BEST3: variants seen among roughly 807,000 people sequenced by gnomAD.
BEST3 encodes bestrophin-3.
A neutral mutation model predicts 47.1 loss-of-function variants in BEST3; 50 were observed. The ratio of observed to expected loss-of-function variants is 1.06; its 90% confidence interval spans 0.85 to 1.34. The LOEUF (loss-of-function observed/expected upper bound fraction) is 1.34, where lower values mean the gene tolerates loss of function less well. Ranked by LOEUF, BEST3 falls within the 40% of genes most tolerant of loss-of-function variation. The pLI, the probability that BEST3 is intolerant of heterozygous loss-of-function variation, is 0.00. For synonymous variants in BEST3, 282 were observed against 298.8 expected (o/e 0.94, Z 0.58); for missense variants, 765 against 817.0 (o/e 0.94, Z 0.78).
At position 69,691,830 on chromosome 12, in the gene BEST3, C is replaced by A. The variant is rs1885936879; in HGVS notation, c.481+1844G>T. Among the ~76,000 whole-genome samples, 3 of 152,252 alleles carry A rather than the reference C, an allele frequency of 2.0e-5. No homozygotes were observed. The South Asian group carries it at 6.2e-4, about 32-fold the overall frequency. On this transcript the variant is annotated intron_variant, in intron 4 of 9. Transcript: ENST00000330891. ...TTGCAGGCCTGGTTGCTGAAACTGCCTGCTATTACCTGAAACCAGTTTTAT... is the reference window on the plus strand; with the variant it reads ...TTGCAGGCCTGGTTGCTGAAACTGCATGCTATTACCTGAAACCAGTTTTAT...
intron 7 of BEST3, among the ~76,000 whole-genome samples, chr12:69,674,886 G>T (rs1197898387): frequency 6.4e-5 from 9 of 139,732 alleles, no homozygotes; most frequent in Admixed American, 5.4e-4. Context: ...CATGGTTTAG[G>T]TTTGCCTTTT....
At chr12:69,646,171 C>T (rs1883029628) in intron 9 of BEST3, among the ~76,000 whole-genome samples, 3 of 152,144 alleles carry the variant, frequency 2.0e-5, no homozygotes, top group South Asian at 4.1e-4. Flanking sequence ...CTCCTGACCT[C>T]AAGTGACCCA....
chr12:69,699,099 C>G (rs1886231786), intron 1 of BEST3, 106 bp downstream of exon 1: 1 of 639,968 alleles, frequency 1.6e-6, no homozygotes, highest in Non-Finnish European at 1.9e-6. Context: ...ACTTTCCTTT[C>G]TTTCATTTAG....
At chr12:69,677,152 A>C (rs2135982631) in intron 6 of BEST3, 28 bp downstream of exon 6, 1 of 1,613,644 alleles carries the variant, frequency 6.2e-7, no homozygotes, top group East Asian at 2.2e-5. Context: ...AAGTAGAAAT[A>C]AAGAATTCCA....
intron 2 of BEST3, 53 bp downstream of exon 2, chr12:69,697,594 G>A (rs1415542881): frequency 7.9e-6 from 11 of 1,398,700 alleles, no homozygotes; most frequent in South Asian, 3.0e-5. Flanking sequence ...TTTTGAGACT[G>A]TATCTTACAC....
intron 9 of BEST3, 28 bp downstream of exon 9, chr12:69,671,400 A>AAT (rs1455889288): frequency 1.4e-5 from 22 of 1,584,700 alleles, no homozygotes; most frequent in Non-Finnish European, 1.9e-5. Context: ...GCTGGAAAAT[A>AAT]TTAGAGATTT....
chr12:69,694,553 C>G (rs957545830), intron 2 of BEST3, 89 bp from the exon 3 acceptor site: 1 of 556,480 alleles, frequency 1.8e-6, no homozygotes, highest in African/African-American at 2.0e-5. Flanking sequence ...CAATTAAGCA[C>G]AAATAATCTT....
chr12:69,696,683 A>T (rs17225559), intron 2 of BEST3, among the ~76,000 whole-genome samples: 46,198 of 152,136 alleles, frequency 0.3, 8,301 homozygotes, highest in South Asian at 0.55. Flanking sequence ...TTATCAGTCA[A>T]CTACATTAAT....
In BEST3 at chr12:69,648,499, C is replaced by T. The variant is rs925879858; in HGVS notation, c.1101-4712G>A. On this transcript the variant is annotated intron_variant, in intron 9 of 9. Coordinates refer to the BEST3 transcript ENST00000331471. ...AAACTGAAATAGTTGGGATGGGGAA[C>T]GGGATTGTGGATGAAGAAAACAAAC... Among the ~76,000 whole-genome samples, 9 of 152,048 alleles carry T rather than the reference C, an allele frequency of 5.9e-5. No individual in the cohort carries two copies. The East Asian group carries it at 1.4e-3, about 23-fold the overall frequency.
At chr12:69,668,586 A>G (rs139363090) in intron 9 of BEST3, among the ~76,000 whole-genome samples, 4 of 152,312 alleles carry the variant, frequency 2.6e-5, no homozygotes, top group African/African-American at 9.6e-5. Flanking sequence ...ATTATCTTCT[A>G]TGATTTTAGA....
chr12:69,654,841 C>T lies in BEST3; in HGVS notation c.*66G>A, dbSNP rs1883355026. On this transcript the variant is annotated 3_prime_UTR_variant, in exon 10 of 10. Transcript: ENST00000330891. The stretch of plus-strand genomic sequence containing the variant: ...GACCAGCCTTCAGGTATGTCCTGGG[C>T]CTAATATGCTGCTTTTGGGGAGGTA... 9.1e-6 allele frequency: 14 copies of T among 1,545,970 alleles called. No individual in the cohort carries two copies. Among genetic ancestry groups the T allele is most frequent in the Non-Finnish European group, 1.2e-5 (14 of 1,148,622 alleles).
At position 69,654,573 on chromosome 12, in the gene BEST3, T is replaced by C. The variant is rs752346182; in HGVS notation, c.*334A>G. Reference sequence around the variant, plus strand: ...GTCTAGGGGATTGGACTATGATCTATGAGACTCTTTCCACAACTAATAATC... The same window carrying C: ...GTCTAGGGGATTGGACTATGATCTACGAGACTCTTTCCACAACTAATAATC... On this transcript the variant is annotated 3_prime_UTR_variant, in exon 10 of 10. Transcript: ENST00000330891. The C allele has an allele frequency of 4.2e-5, 43 of 1,035,996 alleles. No individual in the cohort carries two copies. Among genetic ancestry groups the C allele is most frequent in the Non-Finnish European group, 4.9e-5 (42 of 860,664 alleles). The allele number at this position is 1,035,996 out of a possible 1,614,324, so 64.2% of individuals were successfully genotyped here.
chr12:69,689,866 C>T (rs1296975116), intron 4 of BEST3, among the ~76,000 whole-genome samples: 2 of 152,196 alleles, frequency 1.3e-5, no homozygotes, highest in African/African-American at 2.4e-5. Context: ...GCTGAAACCT[C>T]GAATCCATCC....
chr12:69,663,610 C>T (rs1234045237), intron 9 of BEST3, among the ~76,000 whole-genome samples: 1 of 152,256 alleles, frequency 6.6e-6, no homozygotes, highest in East Asian at 1.9e-4. Context: ...GGGAGGATCT[C>T]TTGAGATCAG....
intron 4 of BEST3, among the ~76,000 whole-genome samples, chr12:69,689,916 G>A (rs1885847790): frequency 6.6e-6 from 1 of 152,124 alleles, no homozygotes; most frequent in Non-Finnish European, 1.5e-5. Context: ...TAATGAGTTG[G>A]TGGTTGCCAA....
chr12:69,645,019 C>T (rs546493184), intron 9 of BEST3, among the ~76,000 whole-genome samples: 5 of 152,088 alleles, frequency 3.3e-5, no homozygotes, highest in Admixed American at 1.3e-4. Flanking sequence ...CTTGGGACTT[C>T]AATGGCATTT....
At chr12:69,690,604 G>A (rs1396769287) in intron 4 of BEST3, among the ~76,000 whole-genome samples, 1 of 152,098 alleles carries the variant, frequency 6.6e-6, no homozygotes, top group Non-Finnish European at 1.5e-5. Context: ...GATTGGACCC[G>A]GCATCTGATT....
rs151174086 is a variant in BEST3 at position 69,689,152 on chromosome 12, A to G, written c.481+4522T>C. The G allele has an allele frequency of 2.7e-5, 27 of 985,490 alleles. No individual in the cohort carries two copies. In the Admixed American group the frequency reaches 1.4e-3, roughly 49 times the overall value. The allele number at this position is 985,490 out of a possible 1,614,324, so 61.0% of individuals were successfully genotyped here. A position where few individuals can be genotyped will look rare whatever the true frequency, so the allele number is the denominator to read the frequency against. The stretch of plus-strand genomic sequence containing the variant: ...GCCAAACATTTTCCGCCATCCCTGA[A>G]CTTCCTGTTCTTCCCAGAAACCTTG... On this transcript the variant is annotated intron_variant, in intron 4 of 9. Transcript: ENST00000330891.
At chr12:69,656,430 G>A (rs11177776) in intron 9 of BEST3, among the ~76,000 whole-genome samples, 1 of 151,110 alleles carries the variant, frequency 6.6e-6, no homozygotes, top group East Asian at 1.9e-4. Context: ...TTCTCCCTTA[G>A]TACAGTTGAA....
Sources: gnomAD v4.1 joint callset for allele counts (sites outside exome capture counted in the v4.1 genomes callset) on GRCh38, gnomAD v4.1.1 for gene constraint, MANE v1.5 for transcripts, NCBI Gene and HGNC (gene_info 2026-07-23, HGNC 2026-07-21) for gene names.